CPSF3: variants seen among roughly 807,000 people sequenced by gnomAD.
CPSF3 encodes the protein cleavage and polyadenylation specificity factor subunit 3.
CPSF3 carries 57 observed loss-of-function variants against 84.1 expected under a neutral mutation model. The ratio of observed to expected loss-of-function variants is 0.68; its 90% CI spans 0.55 to 0.85. The LOEUF is 0.85. Ranked by LOEUF, CPSF3 falls within the 40% of genes least tolerant of loss-of-function variation. The pLI is 0.00. For synonymous variants in CPSF3, 275 were observed against 278.1 expected, an observed-to-expected ratio of 0.99 and a Z score of 0.11; for missense variants, 522 against 838.8, an observed-to-expected ratio of 0.62 and a Z score of 4.66.
intron 5 of CPSF3, 112 bp downstream of exon 5, chr2:9,432,800 G>A (rs966399697): frequency 1.0e-5 from 7 of 702,804 alleles, no homozygotes; most frequent in Non-Finnish European, 1.2e-5. Flanking sequence ...GTCAGAACAC[G>A]GAAACATAAG....
At chr2:9,424,364 G>GGAGAA in intron 1 of CPSF3, 2 of 690,480 alleles carry the variant, frequency 2.9e-6, no homozygotes, top group Non-Finnish European at 1.8e-6. Flanking sequence ...GTGTAAAGCT[G>GGAGAA]GAGAAGAGAA....
rs1680481065 is a variant in CPSF3, at chr2:9,428,844, G to A, written c.114+16G>A. Reference sequence around the variant, plus strand: ...AAAAATAATGGTAATTACTATTTTTGTACTCAGTTTAATAGTATGGCTCTG... The same window carrying A: ...AAAAATAATGGTAATTACTATTTTTATACTCAGTTTAATAGTATGGCTCTG... On this transcript the variant is annotated intron_variant, in intron 2 of 17. Coordinates refer to ENST00000238112, the MANE Select transcript of CPSF3 (RefSeq NM_016207.4). The A allele has an allele frequency of 2.0e-6, 3 of 1,469,820 alleles. No homozygotes were observed. The highest frequency in any genetic ancestry group is 1.4e-5 in the African/African-American group (1 of 72,218). 91.0% of individuals were successfully genotyped at this position (1,469,820 alleles called of 1,614,324 possible).
intron 17 of CPSF3, among the ~76,000 whole-genome samples, chr2:9,471,992 C>T (rs1350390210): frequency 3.9e-5 from 5 of 128,010 alleles, no homozygotes; most frequent in East Asian, 2.0e-4. Context: ...GATGATAGAG[C>T]GAGACTCTGT....
chr2:9,440,875 G>T (rs1680942735), intron 8 of CPSF3, among the ~76,000 whole-genome samples: 1 of 152,188 alleles, frequency 6.6e-6, no homozygotes. Flanking sequence ...AAAATCGTAG[G>T]CAGTGCTTGT....
At chr2:9,460,456 A>G in intron 15 of CPSF3, among the ~76,000 whole-genome samples, 1 of 152,212 alleles carries the variant, frequency 6.6e-6, no homozygotes, top group Non-Finnish European at 1.5e-5. Context: ...AAATAATAAA[A>G]ATAATTGAGT....
At chr2:9,445,809 T>C (rs888957369) in intron 10 of CPSF3, among the ~76,000 whole-genome samples, 2 of 152,236 alleles carry the variant, frequency 1.3e-5, no homozygotes, top group Non-Finnish European at 2.9e-5. Flanking sequence ...CTCATTTTCT[T>C]GTGATAACCA....
At chr2:9,471,163 A>G (rs1181057029) in intron 16 of CPSF3, among the ~76,000 whole-genome samples, 180 bp from the exon 17 acceptor site, 1 of 152,088 alleles carries the variant, frequency 6.6e-6, no homozygotes. Context: ...GTAGTGAGCC[A>G]AGATTGTGCC....
Position 9,432,385 on chromosome 2 carries a change from A to C in CPSF3, c.342-126A>C, listed in dbSNP as rs186313740. On this transcript the variant is annotated intron_variant, in intron 4 of 17. Coordinates refer to ENST00000238112, the MANE Select transcript of CPSF3 (RefSeq NM_016207.4). The stretch of plus-strand genomic sequence containing the variant: ...AAAATATCTGAGAAATTTTAAATAC[A>C]TGATTCATACAGTATATTTTAAAGA... 8.3e-6 allele frequency: 5 copies of C among 604,268 alleles called. No homozygotes were observed. The African/African-American group carries it at 9.4e-5, about 11-fold the overall frequency. The allele number at this position is 604,268 out of a possible 1,614,324, so 37.4% of individuals were successfully genotyped here. A position where few individuals can be genotyped will look rare whatever the true frequency, so the allele number is the denominator to read the frequency against.
intron 1 of CPSF3, among the ~76,000 whole-genome samples, chr2:9,426,325 C>A (rs1029517195): frequency 1.3e-5 from 2 of 152,130 alleles, no homozygotes; most frequent in Non-Finnish European, 2.9e-5. Flanking sequence ...GGAACTGAGA[C>A]CCAAATGATA....
intron 8 of CPSF3, 79 bp from the exon 9 acceptor site, chr2:9,441,739 T>C: frequency 5.0e-6 from 7 of 1,406,418 alleles, no homozygotes; most frequent in Non-Finnish European, 6.9e-6. Context: ...CTTAGCCTTT[T>C]GTTATTCTTT....
chr2:9,466,402 G>GCACTCGCACA (rs1423615797), intron 15 of CPSF3, among the ~76,000 whole-genome samples: 35 of 137,932 alleles, frequency 2.5e-4, no homozygotes, highest in African/African-American at 9.5e-4. Context: ...GCACACACAC[G>GCACTCGCACA]CACGCGCACA....
chr2:9,436,101 T>C (rs1680771479), intron 6 of CPSF3, 110 bp from the exon 7 acceptor site: 1 of 873,242 alleles, frequency 1.1e-6, no homozygotes, highest in Non-Finnish European at 1.7e-6. Context: ...GTAAATGACA[T>C]GCTAATGGAG....
At chr2:9,424,192 C>CAGGT (rs1264011388) in intron 1 of CPSF3, 1 of 1,026,632 alleles carries the variant, frequency 9.7e-7, no homozygotes, top group Non-Finnish European at 1.2e-6. Context: ...AGCTTATGAC[C>CAGGT]GACAGGATGA....
At chr2:9,454,854 C>T (rs539892012) in intron 12 of CPSF3, among the ~76,000 whole-genome samples, 1 of 151,902 alleles carries the variant, frequency 6.6e-6, no homozygotes, top group South Asian at 2.1e-4. Context: ...CGAGCTCTTA[C>T]TCTTATGCCA....
At position 9,441,972 on chromosome 2, in the gene CPSF3, C is replaced by G; in HGVS notation, c.1091C>G (p.Ala364Gly). The change falls in exon 9 of 18, where the codon GCC (alanine) becomes GGC (glycine). Residue 364 changes from alanine to glycine, a missense_variant. Around this residue, in one of 2 missense-constraint regions of CPSF3, gnomAD observed 329 missense variants for 607.2 expected, o/e 0.54. Transcript: ENST00000238112. The stretch of plus-strand genomic sequence containing the variant: ...GGATACTGTGTAGAAGGGACACTTG[C>G]CAAGGTCAGTTACAGTCATAGGCTG... ...IAGYCVEGTL[A>G]KHIMSEPEEI... 1 of 1,613,972 alleles carries G rather than the reference C, an allele frequency of 6.2e-7. No homozygotes were observed. The highest frequency in any genetic ancestry group is 1.7e-5 in the Admixed American group (1 of 60,006).
intron 10 of CPSF3, among the ~76,000 whole-genome samples, chr2:9,445,117 A>G (rs1681087174): frequency 6.6e-6 from 1 of 152,128 alleles, no homozygotes. Context: ...ACAGCTTTTC[A>G]TCACTCCAAG....
chr2:9,457,811 G>A (rs924317552), intron 14 of CPSF3, among the ~76,000 whole-genome samples: 2 of 151,724 alleles, frequency 1.3e-5, no homozygotes, highest in Non-Finnish European at 2.9e-5. Flanking sequence ...GGAGTGCAGT[G>A]GGGTGATCTC....
intron 10 of CPSF3, among the ~76,000 whole-genome samples, chr2:9,444,496 G>A (rs1243995704): frequency 6.6e-6 from 1 of 152,078 alleles, no homozygotes; most frequent in African/African-American, 2.4e-5. Context: ...GAATTGGAAA[G>A]GAGGGGTAAG....
intron 3 of CPSF3, 97 bp from the exon 4 acceptor site, chr2:9,430,655 T>C (rs1680554256): frequency 2.6e-6 from 3 of 1,143,900 alleles, no homozygotes; most frequent in East Asian, 2.4e-5. Context: ...CATAGTTGTT[T>C]ATATAAAACT....
Sources: allele counts gnomAD v4.1 joint callset (sites outside exome capture counted in the v4.1 genomes callset), GRCh38; gene constraint gnomAD v4.1.1; regional missense constraint gnomAD v4.1.1; transcripts MANE v1.5; gene names NCBI Gene and HGNC (gene_info 2026-07-23, HGNC 2026-07-21).